DGKB: variants seen among roughly 807,000 people sequenced by gnomAD.
DGKB encodes diacylglycerol kinase beta.
In DGKB, 67 loss-of-function variants were observed where a neutral mutation model predicts 114.3. The ratio of observed to expected loss-of-function variants is 0.59; its 90% CI spans 0.48 to 0.72. DGKB has a LOEUF of 0.72. Ranked by LOEUF, DGKB falls within the 30% of genes least tolerant of loss-of-function variation. DGKB has a pLI of 0.00. For missense variants in DGKB, 907 were observed against 975.2 expected (o/e 0.93, Z 0.93); for synonymous variants, 398 against 323.1 (o/e 1.23, Z -2.49).
chr7:14,150,743 T>C (rs774219061), intron 25 of DGKB, among the ~76,000 whole-genome samples: 3 of 152,102 alleles, frequency 2.0e-5, no homozygotes, highest in African/African-American at 4.8e-5. Context: ...ATGATCTATA[T>C]CAGATTTTCT....
At chr7:14,173,699 C>T (rs1781336512) in intron 25 of DGKB, among the ~76,000 whole-genome samples, 1 of 152,108 alleles carries the variant, frequency 6.6e-6, no homozygotes, top group African/African-American at 2.4e-5. Context: ...CATACCAATG[C>T]TATGAATACT....
chr7:14,315,020 T>A (rs1054212411), intron 23 of DGKB, among the ~76,000 whole-genome samples: 4 of 151,980 alleles, frequency 2.6e-5, no homozygotes, highest in African/African-American at 9.7e-5. Flanking sequence ...GAATTTCATA[T>A]GCAGCCAAAC....
At chr7:14,906,250 C>T (rs1458227411), upstream of DGKB, among the ~76,000 whole-genome samples, 1 of 151,652 alleles carries the variant, frequency 6.6e-6, no homozygotes, top group African/African-American at 2.4e-5. Flanking sequence ...GATTGCTACA[C>T]ATTTATGTGT....
intron 25 of DGKB, among the ~76,000 whole-genome samples, chr7:14,172,606 C>T (rs1011077726): frequency 3.3e-5 from 5 of 151,992 alleles, no homozygotes; most frequent in African/African-American, 1.2e-4. Flanking sequence ...AGGGAAGAAT[C>T]GCAGATCTAG....
At chr7:14,608,265 A>AT (rs1267506276) in intron 16 of DGKB, among the ~76,000 whole-genome samples, 1 of 152,096 alleles carries the variant, frequency 6.6e-6, no homozygotes, top group Non-Finnish European at 1.5e-5. Context: ...TATTCCTGGG[A>AT]TAAAAAGTTG....
chr7:14,961,924 A>G (rs1786867454), intron 1 of DGKB, among the ~76,000 whole-genome samples: 1 of 152,114 alleles, frequency 6.6e-6, no homozygotes, highest in Non-Finnish European at 1.5e-5. Context: ...ATGATCTACT[A>G]GTAACACAGC....
chr7:14,928,654 TTTTA>T (rs1214569539), intron 1 of DGKB, among the ~76,000 whole-genome samples: 4 of 151,898 alleles, frequency 2.6e-5, no homozygotes, highest in Admixed American at 6.6e-5. Context: ...TATGTTCATT[TTTTA>T]TTTATTTTAT....
intron 3 of DGKB, among the ~76,000 whole-genome samples, chr7:14,754,468 CCA>C: frequency 6.6e-6 from 1 of 152,214 alleles, no homozygotes; most frequent in East Asian, 1.9e-4. Context: ...TAGCATCTCT[CCA>C]TACTCTTAAA....
chr7:14,298,100 G>T (rs1238976589), intron 23 of DGKB, among the ~76,000 whole-genome samples: 2 of 152,274 alleles, frequency 1.3e-5, no homozygotes, highest in Middle Eastern at 3.4e-3. Flanking sequence ...TGGATAGGAA[G>T]AATCAATATT....
intron 14 of DGKB, among the ~76,000 whole-genome samples, chr7:14,628,474 A>G (rs918608226): frequency 6.6e-6 from 1 of 152,140 alleles, no homozygotes; most frequent in South Asian, 2.1e-4. Flanking sequence ...AAACTATTAT[A>G]AGTGATAAGA....
At chr7:14,386,780 A>T (rs1276002829) in intron 21 of DGKB, among the ~76,000 whole-genome samples, 4 of 152,166 alleles carry the variant, frequency 2.6e-5, no homozygotes, top group Admixed American at 2.6e-4. Flanking sequence ...AAATGATCAA[A>T]TATTCTGAGG....
chr7:14,965,473 C>T (rs573020402), intron 1 of DGKB, among the ~76,000 whole-genome samples: 24 of 152,156 alleles, frequency 1.6e-4, no homozygotes, highest in Middle Eastern at 3.4e-3. Flanking sequence ...CTAACAGAAA[C>T]TTGAGCATCA....
chr7:14,169,414 C>T (rs1430199277), intron 25 of DGKB, among the ~76,000 whole-genome samples: 8 of 148,914 alleles, frequency 5.4e-5, no homozygotes, highest in Non-Finnish European at 1.2e-4. Flanking sequence ...TAGATAACTA[C>T]TGGAAGAAGC....
intron 23 of DGKB, among the ~76,000 whole-genome samples, chr7:14,270,681 A>G (rs2128431628): frequency 6.6e-6 from 1 of 152,358 alleles, no homozygotes; most frequent in East Asian, 1.9e-4. Context: ...ACATATACAT[A>G]AGAAATATTT....
intron 25 of DGKB, among the ~76,000 whole-genome samples, chr7:14,161,958 T>A (rs560459350): frequency 1.8e-3 from 278 of 152,316 alleles, no homozygotes; most frequent in Admixed American, 2.9e-3. Flanking sequence ...TAAGTTCAAA[T>A]TTTTATTTAA....
chr7:14,692,027 T>C (rs187213644), intron 9 of DGKB, among the ~76,000 whole-genome samples: 1 of 152,228 alleles, frequency 6.6e-6, no homozygotes, highest in East Asian at 1.9e-4. Flanking sequence ...AATACTACAC[T>C]AGAAACTAAT....
intron 2 of DGKB, among the ~76,000 whole-genome samples, chr7:14,797,379 G>T (rs1841546540): frequency 6.6e-6 from 1 of 152,036 alleles, no homozygotes; most frequent in Non-Finnish European, 1.5e-5. Flanking sequence ...CATTTTATCA[G>T]GATAATTATA....
intron 21 of DGKB, among the ~76,000 whole-genome samples, chr7:14,418,285 G>A (rs1323640076): frequency 8.4e-6 from 1 of 118,658 alleles, no homozygotes; most frequent in African/African-American, 2.9e-5. Context: ...TTATATATGT[G>A]TGTATATATA....
rs143747615 is a variant in DGKB, at chr7:14,589,089, A to G, written c.1434-5952T>C. On this transcript the variant is annotated intron_variant, in intron 17 of 25. Transcript: ENST00000402815. ...CCTTCAACAAAGATATAAATTTTCT[A>G]CTAACAGGTCTTGCATATATTTTGT... Among the ~76,000 whole-genome samples the G allele has an allele frequency of 4.0e-3, 614 of 152,028 alleles. 3 individuals carry two copies. The highest frequency in any genetic ancestry group is 0.014 in the African/African-American group (582 of 41,502).
Sources: allele counts gnomAD v4.1 joint callset (sites outside exome capture counted in the v4.1 genomes callset), GRCh38; gene constraint gnomAD v4.1.1; transcripts MANE v1.5; gene names NCBI Gene and HGNC (gene_info 2026-07-23, HGNC 2026-07-21).